NBEA: variants seen among roughly 807,000 people sequenced by gnomAD.
The protein encoded by NBEA is lysosomal-trafficking regulator 2.
A neutral mutation model predicts 343.4 loss-of-function variants in NBEA; 44 were observed. The ratio of observed to expected loss-of-function variants is 0.13; its 90% CI spans 0.10 to 0.16. NBEA has a LOEUF of 0.16. Among genes scored for constraint, NBEA ranks in the 10% least tolerant of loss-of-function variants. The pLI is 1.00. For synonymous variants in NBEA, 1,175 were observed against 1,238.7 expected, an observed-to-expected ratio of 0.95 and a Z score of 1.08; for missense variants, 2,555 against 3,631.3, an observed-to-expected ratio of 0.70 and a Z score of 7.62.
At chr13:35,367,178 C>G (rs1338711899) in intron 38 of NBEA, among the ~76,000 whole-genome samples, 1 of 151,100 alleles carries the variant, frequency 6.6e-6, no homozygotes, top group African/African-American at 2.4e-5. Context: ...TCTAACATAA[C>G]TGTAAAGACC....
At chr13:35,511,707 T>A (rs527550245) in intron 41 of NBEA, among the ~76,000 whole-genome samples, 2 of 152,320 alleles carry the variant, frequency 1.3e-5, no homozygotes, top group East Asian at 1.9e-4. Flanking sequence ...ATATTACCTA[T>A]GTTAATACAC....
chr13:35,049,215 C>T (rs2062976525), intron 5 of NBEA, among the ~76,000 whole-genome samples: 1 of 151,708 alleles, frequency 6.6e-6, no homozygotes, highest in South Asian at 2.1e-4. Flanking sequence ...TTTAGTATGC[C>T]AGTAATACAC....
At chr13:35,278,355 A>G (rs2034792931) in intron 34 of NBEA, among the ~76,000 whole-genome samples, 1 of 152,016 alleles carries the variant, frequency 6.6e-6, no homozygotes, top group Admixed American at 6.6e-5. Flanking sequence ...TTGTATTGTA[A>G]GTTTAACACA....
At chr13:35,030,850 G>T (rs1346774211) in intron 1 of NBEA, among the ~76,000 whole-genome samples, 2 of 151,530 alleles carry the variant, frequency 1.3e-5, no homozygotes, top group African/African-American at 4.8e-5. Context: ...ATAGAAAGGG[G>T]CAATGTGTTT....
intron 1 of NBEA, among the ~76,000 whole-genome samples, chr13:35,021,650 T>C (rs1260787105): frequency 6.6e-6 from 1 of 152,156 alleles, no homozygotes; most frequent in Admixed American, 6.5e-5. Context: ...TTAATGGTTT[T>C]TCTAGAGTTT....
chr13:34,986,800 T>G (rs1484935442), intron 1 of NBEA, among the ~76,000 whole-genome samples: 5 of 150,766 alleles, frequency 3.3e-5, no homozygotes, highest in Non-Finnish European at 7.4e-5. Flanking sequence ...TGGCCATTGG[T>G]TTAATGTCTG....
At chr13:34,948,913 G>A (rs2059268562) in intron 1 of NBEA, among the ~76,000 whole-genome samples, 1 of 152,156 alleles carries the variant, frequency 6.6e-6, no homozygotes, top group Admixed American at 6.5e-5. Flanking sequence ...CCAAGGCAGA[G>A]AGGCTCTTTC....
chr13:35,113,607 A>ATCTC (rs1329904087), intron 13 of NBEA, among the ~76,000 whole-genome samples: 1 of 151,254 alleles, frequency 6.6e-6, no homozygotes, highest in Non-Finnish European at 1.5e-5. Context: ...CTATCTATCT[A>ATCTC]TCTATCTATC....
intron 41 of NBEA, among the ~76,000 whole-genome samples, chr13:35,505,769 G>A (rs2077050479): frequency 6.6e-6 from 1 of 152,024 alleles, no homozygotes; most frequent in South Asian, 2.1e-4. Context: ...TTTTGTGTGT[G>A]GGACATTTTA....
intron 48 of NBEA, among the ~76,000 whole-genome samples, chr13:35,607,249 A>G (rs1051250166): frequency 6.6e-5 from 10 of 152,082 alleles, no homozygotes; most frequent in Admixed American, 5.9e-4. Flanking sequence ...GTAAGATAGG[A>G]TCTCACTATG....
intron 38 of NBEA, among the ~76,000 whole-genome samples, chr13:35,368,720 C>T (rs2041263429): frequency 6.6e-6 from 1 of 151,486 alleles, no homozygotes; most frequent in African/African-American, 2.4e-5. Flanking sequence ...TACACAGTAC[C>T]TGCCACTTAG....
chr13:35,063,768 A>G (rs1174030800), intron 8 of NBEA, among the ~76,000 whole-genome samples: 1 of 152,050 alleles, frequency 6.6e-6, no homozygotes, highest in Non-Finnish European at 1.5e-5. Context: ...TCTGGAAAGT[A>G]TTGAGACTCG....
chr13:35,098,817 C>T (rs955751782), intron 11 of NBEA, among the ~76,000 whole-genome samples: 10 of 152,026 alleles, frequency 6.6e-5, no homozygotes, highest in Non-Finnish European at 1.5e-4. Flanking sequence ...AAATCTCATG[C>T]TGTCCCTCTT....
intron 35 of NBEA, among the ~76,000 whole-genome samples, chr13:35,304,560 T>C (rs1267158975): frequency 2.6e-5 from 4 of 152,104 alleles, no homozygotes; most frequent in Non-Finnish European, 5.9e-5. Context: ...GGAAAACATA[T>C]AATTGCAGTG....
chr13:35,294,202 A>T (rs2035967965), intron 35 of NBEA, among the ~76,000 whole-genome samples: 1 of 151,586 alleles, frequency 6.6e-6, no homozygotes, highest in African/African-American at 2.4e-5. Context: ...TTAACCCAGG[A>T]CTTCTAAAGA....
At chr13:35,281,563 A>G (rs2035051971) in intron 34 of NBEA, among the ~76,000 whole-genome samples, 1 of 152,278 alleles carries the variant, frequency 6.6e-6, no homozygotes, top group East Asian at 1.9e-4. Context: ...AATTACAATG[A>G]TTATCAAATA....
Position 35,255,677 on chromosome 13 carries a change from C to A in NBEA, c.5776+23058C>A, listed in dbSNP as rs2032504768. On this transcript the variant is annotated intron_variant, in intron 34 of 58. Coordinates refer to ENST00000379939, the MANE Select transcript of NBEA (RefSeq NM_001385012.1). ...TGGAGACGCCAGAAATTACAGAGCC[C>A]CAGAAAGGGTGTCACAGCCCAGGCT... Among the ~76,000 whole-genome samples, 3 of 152,232 alleles carry A rather than the reference C, an allele frequency of 2.0e-5. No individual in the cohort carries two copies. In the South Asian group the frequency reaches 6.2e-4, roughly 31 times the overall value.
chr13:35,049,339 A>G (rs186498621), intron 5 of NBEA, among the ~76,000 whole-genome samples: 2 of 151,932 alleles, frequency 1.3e-5, no homozygotes, highest in Admixed American at 1.3e-4. Context: ...AATACTCTGT[A>G]ATAAGACGGC....
intron 31 of NBEA, among the ~76,000 whole-genome samples, chr13:35,204,881 C>G (rs533729830): frequency 1.6e-4 from 24 of 152,066 alleles, no homozygotes; most frequent in Middle Eastern, 3.2e-3. Flanking sequence ...GGTACCTAGA[C>G]TTCTAGGTAA....
Sources: gnomAD v4.1 joint callset for allele counts (sites outside exome capture counted in the v4.1 genomes callset) on GRCh38, gnomAD v4.1.1 for gene constraint, MANE v1.5 for transcripts, NCBI Gene and HGNC (gene_info 2026-07-23, HGNC 2026-07-21) for gene names.